RBMS3: variants seen among roughly 807,000 people sequenced by gnomAD.
The protein encoded by RBMS3 is RNA-binding motif, single-stranded-interacting protein 3.
Under a neutral mutation model 66.8 loss-of-function variants are expected in RBMS3, and 27 were observed. The ratio of observed to expected loss-of-function variants is 0.40; its 90% CI spans 0.30 to 0.56. The LOEUF (loss-of-function observed/expected upper bound fraction) is 0.56, where lower values mean the gene tolerates loss of function less well. Ranked by LOEUF, RBMS3 falls within the 20% of genes least tolerant of loss-of-function variation. The probability of loss-of-function intolerance (pLI) is 0.40; values close to 1 mark genes in which losing one functional copy is unlikely to be tolerated. For synonymous variants in RBMS3, 188 were observed against 183.0 expected, an observed-to-expected ratio of 1.03 and a Z score of -0.22; for missense variants, 513 against 549.5, an observed-to-expected ratio of 0.93 and a Z score of 0.66.
At chr3:29,361,487 C>G (rs1247469428) in intron 1 of RBMS3, among the ~76,000 whole-genome samples, 1 of 152,140 alleles carries the variant, frequency 6.6e-6, no homozygotes, top group Non-Finnish European at 1.5e-5. Context: ...AACATTTTTT[C>G]CTTCATTTCA....
At chr3:29,955,991 T>G (rs1239591725) in intron 12 of RBMS3, among the ~76,000 whole-genome samples, 2 of 152,104 alleles carry the variant, frequency 1.3e-5, no homozygotes, top group African/African-American at 4.8e-5. Flanking sequence ...CAAGGTGGAC[T>G]ATAATTAAAT....
chr3:29,726,327 C>T (rs1403491450), intron 4 of RBMS3, among the ~76,000 whole-genome samples: 1 of 152,090 alleles, frequency 6.6e-6, no homozygotes, highest in African/African-American at 2.4e-5. Flanking sequence ...CTCACCACTC[C>T]TATTCAGCAT....
rs1575488012 is a variant in RBMS3, at chr3:29,295,794, A to G, written c.75+14038A>G. On this transcript the variant is annotated intron_variant, in intron 1 of 14. Transcript: ENST00000383767. ...GCATTTTATTGCCATCATTTTGCCA[A>G]TATGAATAATTCTAAAATATATATT... Among the ~76,000 whole-genome samples the G allele has an allele frequency of 6.6e-5, 10 of 151,892 alleles. No homozygotes were observed. The South Asian group carries it at 2.1e-3, about 31-fold the overall frequency.
chr3:29,494,812 A>G (rs927749019), intron 3 of RBMS3, among the ~76,000 whole-genome samples: 1 of 152,190 alleles, frequency 6.6e-6, no homozygotes, highest in African/African-American at 2.4e-5. Flanking sequence ...TACCACCATC[A>G]TATTTCCGAC....
intron 8 of RBMS3, among the ~76,000 whole-genome samples, chr3:29,887,142 A>G (rs1346867521): frequency 6.6e-6 from 1 of 151,846 alleles, no homozygotes; most frequent in African/African-American, 2.4e-5. Context: ...TAAACAAGCG[A>G]TTCCTTGAGC....
chr3:29,971,501 C>T (rs2149760234), intron 12 of RBMS3, among the ~76,000 whole-genome samples: 1 of 151,982 alleles, frequency 6.6e-6, no homozygotes, highest in African/African-American at 2.4e-5. Flanking sequence ...TAATATTTTT[C>T]CTTTAATTCT....
chr3:29,343,854 T>C (rs963395376), intron 1 of RBMS3, among the ~76,000 whole-genome samples: 16 of 152,232 alleles, frequency 1.1e-4, no homozygotes, highest in Admixed American at 2.6e-4. Flanking sequence ...CCTATTTTGC[T>C]ATGCTATGTA....
At chr3:29,444,908 A>G (rs1006602168) in intron 2 of RBMS3, among the ~76,000 whole-genome samples, 3 of 142,698 alleles carry the variant, frequency 2.1e-5, no homozygotes, top group Non-Finnish European at 4.5e-5. Flanking sequence ...CTCTGTCACT[A>G]TCTCAATTTC....
chr3:29,618,294 A>T (rs1393078604), intron 4 of RBMS3, among the ~76,000 whole-genome samples: 3 of 152,170 alleles, frequency 2.0e-5, no homozygotes, highest in Non-Finnish European at 4.4e-5. Context: ...CAAGAGTTCA[A>T]GACCAGCCTG....
chr3:29,865,819 G>A (rs12490863), intron 6 of RBMS3, among the ~76,000 whole-genome samples: 37,857 of 151,856 alleles, frequency 0.25, 7,666 homozygotes, highest in African/African-American at 0.56. Context: ...TGGACACAGT[G>A]CAAACAGGTA....
intron 10 of RBMS3, among the ~76,000 whole-genome samples, chr3:29,902,518 C>T (rs2060279600): frequency 6.6e-6 from 1 of 151,732 alleles, no homozygotes; most frequent in African/African-American, 2.4e-5. Context: ...GTACTTATTT[C>T]ACTTACTTTC....
intron 7 of RBMS3, among the ~76,000 whole-genome samples, chr3:29,881,047 G>A (rs868041126): frequency 3.0e-4 from 46 of 152,166 alleles, no homozygotes; most frequent in Admixed American, 1.5e-3. Flanking sequence ...GGGCAATCAA[G>A]ATCCTCCATC....
intron 1 of RBMS3, among the ~76,000 whole-genome samples, chr3:29,310,574 T>C (rs1045234836): frequency 1.3e-5 from 2 of 151,654 alleles, no homozygotes; most frequent in Non-Finnish European, 3.0e-5. Context: ...GAGAGGCCTA[T>C]GAACCATATA....
Position 29,567,117 on chromosome 3 carries a change from T to C in RBMS3, c.308-19997T>C, listed in dbSNP as rs1029632480. Among the ~76,000 whole-genome samples the C allele has an allele frequency of 7.9e-5, 12 of 152,314 alleles. No individual in the cohort carries two copies. The East Asian group carries it at 2.3e-3, about 29-fold the overall frequency. Reference sequence around the variant, plus strand: ...GATGTTAAAGTGACTATTTCTTCATTGGGTTTGCATATTACCTTATGAGAG... The same window carrying C: ...GATGTTAAAGTGACTATTTCTTCATCGGGTTTGCATATTACCTTATGAGAG... On this transcript the variant is annotated intron_variant, in intron 3 of 14. Transcript: ENST00000383767.
At position 29,587,111 on chromosome 3, in the gene RBMS3, C is replaced by T; in HGVS notation, c.308-3C>T. Reference sequence around the variant, plus strand: ...TTAACAAGGGGATTTTGTGTTTTCACAGGTTATGGTTTTGTAGATTTTGAC... The same window carrying T: ...TTAACAAGGGGATTTTGTGTTTTCATAGGTTATGGTTTTGTAGATTTTGAC... On this transcript the variant is annotated splice_region_variant and splice_polypyrimidine_tract_variant and intron_variant, in intron 3 of 14. Transcript: ENST00000383767. The T allele has an allele frequency of 1.3e-6, 2 of 1,599,144 alleles. No homozygotes were observed. Among genetic ancestry groups the T allele is most frequent in the Non-Finnish European group, 8.5e-7 (1 of 1,173,936 alleles).
intron 1 of RBMS3, among the ~76,000 whole-genome samples, chr3:29,296,183 G>A (rs1295430122): frequency 6.6e-6 from 1 of 151,744 alleles, no homozygotes; most frequent in Non-Finnish European, 1.5e-5. Context: ...TTTTGTGAAA[G>A]GTCAGCTTCC....
chr3:29,574,828 AACACAC>A (rs201818764), intron 3 of RBMS3, among the ~76,000 whole-genome samples: 3,687 of 146,918 alleles, frequency 0.025, 103 homozygotes, highest in Admixed American at 0.062. Flanking sequence ...TGCATAAGAA[AACACAC>A]ACACACACAC....
chr3:29,869,592 AT>A (rs1257919800), intron 7 of RBMS3, among the ~76,000 whole-genome samples: 1 of 152,154 alleles, frequency 6.6e-6, no homozygotes, highest in Non-Finnish European at 1.5e-5. Context: ...ACAGCTCACT[AT>A]CCATTTACCC....
At chr3:29,382,961 T>A (rs973538789) in intron 1 of RBMS3, among the ~76,000 whole-genome samples, 1 of 152,140 alleles carries the variant, frequency 6.6e-6, no homozygotes, top group African/African-American at 2.4e-5. Context: ...ACGCCTCTGA[T>A]CAGGAAATCA....
Sources: gnomAD v4.1 joint callset for allele counts (sites outside exome capture counted in the v4.1 genomes callset) on GRCh38, gnomAD v4.1.1 for gene constraint, MANE v1.5 for transcripts, NCBI Gene and HGNC (gene_info 2026-07-23, HGNC 2026-07-21) for gene names.